ANAPC1: variants seen among roughly 807,000 people sequenced by gnomAD.
ANAPC1 encodes the protein anaphase-promoting complex subunit 1.
Under a neutral mutation model 208.0 loss-of-function variants are expected in ANAPC1, and 36 were observed. The observed-to-expected ratio is 0.17, with a 90% CI of 0.13 to 0.23. The LOEUF (loss-of-function observed/expected upper bound fraction) is 0.23, where lower values mean the gene tolerates loss of function less well. ANAPC1 is among the 10% of genes least tolerant of loss of function. The probability of loss-of-function intolerance (pLI) is 1.00; values close to 1 mark genes in which losing one functional copy is unlikely to be tolerated. For synonymous variants in ANAPC1, 378 were observed against 695.2 expected (o/e 0.54, Z 7.18); for missense variants, 942 against 2,011.6 (o/e 0.47, Z 10.17).
chr2:111,872,978 A>C (rs1364705362), intron 5 of ANAPC1: 1 of 490,292 alleles, frequency 2.0e-6, no homozygotes, highest in African/African-American at 2.0e-5. Context: ...TGTTAACAAT[A>C]GCCCTAGGCA....
Position 111,837,168 on chromosome 2 carries a change from T to A in ANAPC1, c.2115+1270A>T, listed in dbSNP as rs572641883. Among the ~76,000 whole-genome samples, 5 of 152,248 alleles carry A rather than the reference T, an allele frequency of 3.3e-5. No individual in the cohort carries two copies. The East Asian group carries it at 9.6e-4, about 29-fold the overall frequency. ...CACAAACTACTGGTATCTGTAACAA[T>A]ATGAATTAATCTCAAAAGCATTATG... On this transcript the variant is annotated intron_variant, in intron 18 of 47. Transcript: ENST00000341068.
intron 16 of ANAPC1, 66 bp from the exon 17 acceptor site, chr2:111,843,665 A>G: frequency 1.4e-6 from 2 of 1,425,920 alleles, no homozygotes; most frequent in South Asian, 2.8e-5. Flanking sequence ...CCTTTCAATC[A>G]CCAAGTTTTT....
In ANAPC1 at chr2:111,774,994, G is replaced by A. The variant is rs187277599; in HGVS notation, c.5584+1865C>T. ...TACAAAACATTTATATAGGCCAGGC[G>A]CCATGGCTCATGCCTGTAATCCCAG... On this transcript the variant is annotated intron_variant, in intron 46 of 47. Coordinates refer to ENST00000341068, the MANE Select transcript of ANAPC1 (RefSeq NM_022662.4). Among the ~76,000 whole-genome samples, 176 of 152,246 alleles carry A rather than the reference G, an allele frequency of 1.2e-3. 1 individual carries two copies. The highest frequency in any genetic ancestry group is 3.9e-3 in the African/African-American group (161 of 41,546).
intron 5 of ANAPC1, 178 bp downstream of exon 5, chr2:111,873,130 T>C: frequency 1.4e-6 from 1 of 690,584 alleles, no homozygotes. Context: ...AATAACTTAT[T>C]TTCTTGTGAA....
At chr2:111,839,707 T>C (rs1010214995) in intron 17 of ANAPC1, among the ~76,000 whole-genome samples, 1 of 152,144 alleles carries the variant, frequency 6.6e-6, no homozygotes, top group African/African-American at 2.4e-5. Flanking sequence ...GCAACAAATA[T>C]AACAGTAACT....
chr2:111,784,059 GC>G (rs1221447651), intron 41 of ANAPC1, 95 bp from the exon 42 acceptor site: 1 of 878,120 alleles, frequency 1.1e-6, no homozygotes, highest in Non-Finnish European at 1.8e-6. Context: ...AACAATAACA[GC>G]CAGAAACAGG....
intron 38 of ANAPC1, among the ~76,000 whole-genome samples, chr2:111,790,647 T>C (rs1573330962): frequency 6.6e-6 from 1 of 151,834 alleles, no homozygotes; most frequent in South Asian, 2.1e-4. Context: ...TCCTTTTCTC[T>C]GGGTAAGAAA....
At chr2:111,853,269 G>A (rs1032382267) in intron 13 of ANAPC1, among the ~76,000 whole-genome samples, 1 of 152,048 alleles carries the variant, frequency 6.6e-6, no homozygotes, top group Non-Finnish European at 1.5e-5. Context: ...ATATATAGTT[G>A]GGCTGTATTT....
Position 111,870,879 on chromosome 2 carries a change from A to T in ANAPC1, c.611+1751T>A, listed in dbSNP as rs75616959. Among the ~76,000 whole-genome samples, 1,131 of 152,106 alleles carry T rather than the reference A, an allele frequency of 7.4e-3. 7 individuals are homozygous for T. The highest frequency in any genetic ancestry group is 0.012 in the African/African-American group (478 of 41,496). On this transcript the variant is annotated intron_variant, in intron 6 of 47. Transcript: ENST00000341068. ...CTGACTTTTGTATAAGGTGAGAGAT[A>T]AAAAAAACCCAATTTCATTCTTCTA...
Position 111,865,076 on chromosome 2 carries a change from T to C in ANAPC1, c.686-125A>G, listed in dbSNP as rs910470897. ...CAAGCCAAAGAGAGCACAAAATTTA[T>C]TACTATCTTAAATAATTAACTCTGA... On this transcript the variant is annotated intron_variant, in intron 7 of 47. Transcript: ENST00000341068. 9 of 741,928 alleles carry C rather than the reference T, an allele frequency of 1.2e-5. No homozygotes were observed. In the Admixed American group the frequency reaches 2.8e-4, roughly 23 times the overall value. 46.0% of individuals were successfully genotyped at this position (741,928 alleles called of 1,614,324 possible). A position where few individuals can be genotyped will look rare whatever the true frequency, so the allele number is the denominator to read the frequency against.
chr2:111,864,878 G>C lies in ANAPC1; in HGVS notation c.759C>G (p.Pro253=), dbSNP rs930483855. The C allele has an allele frequency of 1.9e-6, 3 of 1,611,682 alleles. No individual in the cohort carries two copies. The highest frequency in any genetic ancestry group is 2.2e-5 in the East Asian group (1 of 44,864). Residue 253 remains proline (P), a synonymous_variant, in exon 8 of 48, where the codon CCC becomes CCG. Transcript: ENST00000341068. ...CAGCATCATAAGTCATTACAATAGA[G>C]GGGTCAGTATTGAGGAAAACAATTT... ...AMKIVFLNTD[P]SIVMTYDAVQ... is the part of the protein sequence containing the mutation.
At chr2:111,770,549 T>C (rs1294957799) in intron 47 of ANAPC1, among the ~76,000 whole-genome samples, 1 of 150,508 alleles carries the variant, frequency 6.6e-6, no homozygotes, top group Non-Finnish European at 1.5e-5. Flanking sequence ...TATTCTCTTA[T>C]TCCAACCCCA....
chr2:111,875,715 G>T (rs548099763), intron 3 of ANAPC1, among the ~76,000 whole-genome samples: 168 of 152,256 alleles, frequency 1.1e-3, no homozygotes, highest in Non-Finnish European at 2.0e-3. Context: ...AAATTCCTTG[G>T]TTTATATACA....
At chr2:111,845,152 T>C (rs527520374) in intron 16 of ANAPC1, among the ~76,000 whole-genome samples, 1 of 152,302 alleles carries the variant, frequency 6.6e-6, no homozygotes, top group South Asian at 2.1e-4. Flanking sequence ...CCTGGCCTTA[T>C]ACCATTCTCA....
At chr2:111,874,238 T>C (rs1239423192) in intron 3 of ANAPC1, among the ~76,000 whole-genome samples, 2 of 151,206 alleles carry the variant, frequency 1.3e-5, no homozygotes, top group African/African-American at 2.5e-5. Context: ...CATTTTGTGT[T>C]TTTTTTTAAA....
intron 10 of ANAPC1, among the ~76,000 whole-genome samples, chr2:111,859,559 A>G (rs1377442882): frequency 6.6e-6 from 1 of 152,206 alleles, no homozygotes; most frequent in African/African-American, 2.4e-5. Context: ...CAACTTACAA[A>G]TAAGTTATTT....
chr2:111,828,994 C>T (rs894501302), intron 21 of ANAPC1, among the ~76,000 whole-genome samples: 6 of 152,182 alleles, frequency 3.9e-5, no homozygotes, highest in African/African-American at 1.4e-4. Context: ...GTGGGCAGAT[C>T]ACCTGATGTC....
At chr2:111,870,365 C>T (rs1682680069) in intron 6 of ANAPC1, among the ~76,000 whole-genome samples, 2 of 152,218 alleles carry the variant, frequency 1.3e-5, no homozygotes, top group Admixed American at 1.3e-4. Context: ...TCCACCACAT[C>T]CATGCCAACA....
At chr2:111,853,865 C>T (rs1475881753) in intron 13 of ANAPC1, among the ~76,000 whole-genome samples, 6 of 152,084 alleles carry the variant, frequency 3.9e-5, no homozygotes, top group South Asian at 2.1e-4. Flanking sequence ...TACAGGCACC[C>T]GCCACCACGC....
Sources: gnomAD v4.1 joint callset for allele counts (sites outside exome capture counted in the v4.1 genomes callset) on GRCh38, gnomAD v4.1.1 for gene constraint, MANE v1.5 for transcripts, NCBI Gene and HGNC (gene_info 2026-07-23, HGNC 2026-07-21) for gene names.